The following ADARB2 variants were observed in gnomAD, a reference collection of about 807,000 sequenced individuals.
ADARB2 encodes adenosine deaminase RNA specific B2 (inactive).
In ADARB2, 25 loss-of-function variants were observed where a neutral mutation model predicts 62.2. The ratio of observed to expected loss-of-function variants is 0.40; its 90% CI spans 0.29 to 0.56. The LOEUF (loss-of-function observed/expected upper bound fraction) is 0.56. ADARB2 is among the 20% of genes least tolerant of loss of function. The pLI, the probability that ADARB2 is intolerant of heterozygous loss-of-function variation, is 0.43. For synonymous variants in ADARB2, 572 were observed against 500.8 expected, an observed-to-expected ratio of 1.14 and a Z score of -1.90; for missense variants, 1,071 against 1,077.4, an observed-to-expected ratio of 0.99 and a Z score of 0.08.
intron 1 of ADARB2, among the ~76,000 whole-genome samples, chr10:1,728,603 G>A (rs1835194882): frequency 6.6e-6 from 1 of 152,128 alleles, no homozygotes; most frequent in Non-Finnish European, 1.5e-5. Context: ...AAGAGCCCCT[G>A]TCATGATTTA....
Position 1,421,050 on chromosome 10 carries a change from G to T in ADARB2, c.101-41890C>A, listed in dbSNP as rs114445327. ...TGTGTTTGTGCAACACTCGCCTCCAGGGGGAGCTCGAAGCTCTCCCGCCCT... is the reference window on the plus strand; with the variant it reads ...TGTGTTTGTGCAACACTCGCCTCCATGGGGAGCTCGAAGCTCTCCCGCCCT... On this transcript the variant is annotated intron_variant, in intron 1 of 9. Transcript: ENST00000381312. 5.8e-3 allele frequency among the ~76,000 whole-genome samples: 879 copies of T among 152,110 alleles called. 7 individuals carry two copies. Among genetic ancestry groups the T allele is most frequent in the Middle Eastern group, 0.024 (7 of 294 alleles).
At chr10:1,248,926 G>T (rs1028258523) in intron 4 of ADARB2, among the ~76,000 whole-genome samples, 1 of 152,178 alleles carries the variant, frequency 6.6e-6, no homozygotes, top group African/African-American at 2.4e-5. Context: ...CAAGGCAATT[G>T]TAAGTGTTCT....
intron 1 of ADARB2, among the ~76,000 whole-genome samples, chr10:1,446,866 T>C (rs1330362844): frequency 2.0e-5 from 3 of 152,194 alleles, no homozygotes; most frequent in Non-Finnish European, 2.9e-5. Context: ...GTGCCTGACT[T>C]AGGCCCCGGG....
chr10:1,480,580 C>T (rs1351030722), intron 1 of ADARB2, among the ~76,000 whole-genome samples: 4 of 152,078 alleles, frequency 2.6e-5, no homozygotes, highest in African/African-American at 7.2e-5. Context: ...CACCTGTAGT[C>T]CCCGCTACTC....
chr10:1,442,353 T>C (rs1310432571), intron 1 of ADARB2, among the ~76,000 whole-genome samples: 1 of 152,248 alleles, frequency 6.6e-6, no homozygotes, highest in Non-Finnish European at 1.5e-5. Flanking sequence ...GTGGAATTCA[T>C]GTCTTCACAT....
intron 1 of ADARB2, among the ~76,000 whole-genome samples, chr10:1,576,909 T>C (rs1833028449): frequency 6.6e-6 from 1 of 152,116 alleles, no homozygotes; most frequent in African/African-American, 2.4e-5. Flanking sequence ...GTTCCCCTTC[T>C]GGTCTTGGAG....
chr10:1,678,356 G>C (rs975686333), intron 1 of ADARB2: 1 of 984,912 alleles, frequency 1.0e-6, no homozygotes, highest in African/African-American at 1.7e-5. Context: ...ACCTCGGAGT[G>C]AGTGACCTCG....
intron 1 of ADARB2, among the ~76,000 whole-genome samples, chr10:1,635,451 C>T (rs1057356993): frequency 1.3e-5 from 2 of 152,196 alleles, no homozygotes; most frequent in African/African-American, 4.8e-5. Context: ...TTGCTGAAAG[C>T]ATTAGTGTCA....
chr10:1,209,518 T>G (rs1436055321), intron 7 of ADARB2, among the ~76,000 whole-genome samples: 1 of 110,802 alleles, frequency 9.0e-6, no homozygotes, highest in South Asian at 3.5e-4. Context: ...CTGTCACCCA[T>G]GCCCACACCT....
At chr10:1,303,060 T>C (rs1831590502) in intron 3 of ADARB2, among the ~76,000 whole-genome samples, 1 of 152,176 alleles carries the variant, frequency 6.6e-6, no homozygotes, top group South Asian at 2.1e-4. Flanking sequence ...GAAGAAGGCT[T>C]CAGACGATCA....
intron 4 of ADARB2, among the ~76,000 whole-genome samples, chr10:1,266,745 A>G (rs929303054): frequency 4.6e-5 from 7 of 152,326 alleles, no homozygotes; most frequent in African/African-American, 1.7e-4. Context: ...ACAGAAAGCC[A>G]CTGCCCCTGG....
intron 3 of ADARB2, among the ~76,000 whole-genome samples, chr10:1,327,269 T>A (rs796530804): frequency 3.0e-5 from 2 of 67,062 alleles, no homozygotes; most frequent in African/African-American, 5.9e-5. Flanking sequence ...GCCTCCTCAC[T>A]GCACAGCGCC....
At chr10:1,227,271 G>A (rs1830756587) in intron 6 of ADARB2, among the ~76,000 whole-genome samples, 1 of 152,216 alleles carries the variant, frequency 6.6e-6, no homozygotes, top group Non-Finnish European at 1.5e-5. Context: ...CAGAATTAGG[G>A]TGGGAGTGAC....
At chr10:1,469,042 G>T (rs1831290753) in intron 1 of ADARB2, among the ~76,000 whole-genome samples, 1 of 152,120 alleles carries the variant, frequency 6.6e-6, no homozygotes, top group Non-Finnish European at 1.5e-5. Flanking sequence ...ACGCTTTCTC[G>T]CTACCCAGTC....
intron 1 of ADARB2, among the ~76,000 whole-genome samples, chr10:1,405,285 C>G (rs1001544552): frequency 2.0e-5 from 3 of 152,160 alleles, no homozygotes; most frequent in African/African-American, 7.2e-5. Flanking sequence ...AACCACTGCT[C>G]GTGGGGTCTT....
chr10:1,716,594 C>A (rs1835019595), intron 1 of ADARB2, among the ~76,000 whole-genome samples: 1 of 152,174 alleles, frequency 6.6e-6, no homozygotes, highest in Non-Finnish European at 1.5e-5. Flanking sequence ...TGTCTCTTTT[C>A]CTTGGGGGTT....
At chr10:1,698,145 C>T (rs958675145) in intron 1 of ADARB2, among the ~76,000 whole-genome samples, 4 of 152,222 alleles carry the variant, frequency 2.6e-5, no homozygotes, top group East Asian at 1.9e-4. Flanking sequence ...CCCTGTCCCA[C>T]GTACCAACAT....
At chr10:1,677,501 G>A (rs897406743) in intron 1 of ADARB2, among the ~76,000 whole-genome samples, 7 of 152,120 alleles carry the variant, frequency 4.6e-5, no homozygotes, top group African/African-American at 1.4e-4. Flanking sequence ...GATGAGAGGA[G>A]CCCTGGGGAG....
chr10:1,409,120 C>G (rs1588247481), intron 1 of ADARB2, among the ~76,000 whole-genome samples: 1 of 152,242 alleles, frequency 6.6e-6, no homozygotes, highest in African/African-American at 2.4e-5. Context: ...ACACCACATA[C>G]CCCTGAAGCA....
Sources: gnomAD v4.1 joint callset for allele counts (sites outside exome capture counted in the v4.1 genomes callset) on GRCh38, gnomAD v4.1.1 for gene constraint, MANE v1.5 for transcripts, NCBI Gene and HGNC (gene_info 2026-07-23, HGNC 2026-07-21) for gene names.